EPB41: variants seen among roughly 807,000 people sequenced by gnomAD.
EPB41 encodes protein 4.1.
A neutral mutation model predicts 108.0 loss-of-function variants in EPB41; 65 were observed. That is an observed-to-expected ratio of 0.60 (90% CI 0.49 to 0.74). The LOEUF is 0.74. Among genes scored for constraint, EPB41 ranks in the 30% least tolerant of loss-of-function variants. EPB41 has a pLI of 0.00. For synonymous variants in EPB41, 336 were observed against 358.9 expected (o/e 0.94, Z 0.72); for missense variants, 875 against 1,037.0 (o/e 0.84, Z 2.15).
At chr1:29,106,576 T>TTTTA (rs2151626574) in intron 17 of EPB41, among the ~76,000 whole-genome samples, 1 of 125,544 alleles carries the variant, frequency 8.0e-6, no homozygotes, top group South Asian at 2.8e-4. Context: ...TTTTTTTTTT[T>TTTTA]TTTTTTTTTT....
intron 16 of EPB41, among the ~76,000 whole-genome samples, chr1:29,067,613 G>GC (rs200274621): frequency 0.013 from 1,903 of 148,838 alleles, 43 homozygotes; most frequent in African/African-American, 0.044. Flanking sequence ...ATTGCAGTGA[G>GC]CCGAGATCGC....
rs139993329 is a variant in EPB41, at chr1:28,969,724, T to C, written c.-7-17707T>C. ...ACCATCCTGGCTAACACGGTGAAAC[T>C]CCGTCTCTACTAAAAAAATACAAAA... is the stretch of plus-strand genomic sequence containing the variant. On this transcript the variant is annotated intron_variant, in intron 1 of 20. Transcript: ENST00000343067. Among the ~76,000 whole-genome samples, 568 of 151,570 alleles carry C rather than the reference T, an allele frequency of 3.7e-3. 5 individuals carry two copies. Among genetic ancestry groups the C allele is most frequent in the African/African-American group, 0.013 (526 of 41,308 alleles).
In EPB41 at chr1:29,060,500, AAGCT is replaced by A; in HGVS notation, c.2007+17_2007+20del. 6.2e-7 allele frequency: 1 copy of A among 1,608,308 alleles called. No individual in the cohort carries two copies. The highest frequency in any genetic ancestry group is 8.5e-7 in the Non-Finnish European group (1 of 1,174,836). ...AATGTTGGAGGTTTGTATGAACTTG[AAGCT>A]TATTTCAGTTGGTTGCCTGGAACCT... On this transcript the variant is annotated intron_variant, in intron 15 of 20. Coordinates refer to ENST00000343067, the MANE Select transcript of EPB41 (RefSeq NM_001376013.1).
At chr1:29,057,390 A>AAG (rs1271618319) in intron 12 of EPB41, among the ~76,000 whole-genome samples, 4 of 150,720 alleles carry the variant, frequency 2.7e-5, no homozygotes, top group Non-Finnish European at 4.4e-5. Flanking sequence ...AAAAAAAAAA[A>AAG]AAAAAAGAAA....
chr1:29,081,249 G>A (rs1656484853), intron 16 of EPB41, among the ~76,000 whole-genome samples: 1 of 152,152 alleles, frequency 6.6e-6, no homozygotes, highest in South Asian at 2.1e-4. Flanking sequence ...CACTACAACA[G>A]ATGTAGTTGT....
chr1:29,058,624 C>G lies in EPB41; in HGVS notation c.1881C>G (p.Thr627=), dbSNP rs151204283. The change falls in exon 13 of 21, where the codon ACC becomes ACG. Residue 627 remains threonine (T), a synonymous_variant. Coordinates refer to ENST00000343067, the MANE Select transcript of EPB41 (RefSeq NM_001376013.1). ...EKTHIEVTVP[T]SNGDQTQKLA... ...CCCACATCGAGGTGACAGTACCCAC[C>G]TCAAATGGTGACCAAACACAGGTTT... 1.4e-5 allele frequency: 22 copies of G among 1,613,744 alleles called. No homozygotes were observed. Among genetic ancestry groups the G allele is most frequent in the East Asian group, 8.9e-5 (4 of 44,874 alleles).
rs78279721 is a variant in EPB41, at chr1:28,933,459, T to C, written c.-8+18691T>C. On this transcript the variant is annotated intron_variant, in intron 1 of 20. Transcript: ENST00000343067. ...TCAAAACTGATGTGCAGCACTGTGA[T>C]TGGATTTGGAACTCTCTTCTATTGT... is the stretch of plus-strand genomic sequence containing the variant. Among the ~76,000 whole-genome samples the C allele has an allele frequency of 3.6e-3, 543 of 152,318 alleles. 1 individual carries two copies. Among genetic ancestry groups the C allele is most frequent in the African/African-American group, 9.1e-3 (379 of 41,572 alleles).
intron 7 of EPB41, among the ~76,000 whole-genome samples, chr1:29,028,354 A>G (rs993254515): frequency 6.6e-6 from 1 of 152,202 alleles, no homozygotes; most frequent in African/African-American, 2.4e-5. Context: ...ATTTGTGTGT[A>G]GATGAACCAC....
intron 1 of EPB41, among the ~76,000 whole-genome samples, chr1:28,971,180 CTTTTTTTTTT>C (rs1000130058): frequency 3.0e-5 from 2 of 66,324 alleles, no homozygotes; most frequent in East Asian, 5.2e-4. Context: ...TTCTTTCTTT[CTTTTTTTTTT>C]TTTTTTTTTT....
intron 1 of EPB41, among the ~76,000 whole-genome samples, chr1:28,947,412 A>ACAG (rs2094527058): frequency 3.7e-4 from 2 of 5,372 alleles, no homozygotes; most frequent in Non-Finnish European, 5.7e-4. Flanking sequence ...GTCTCAGACA[A>ACAG]ACAAACAAAC....
chr1:28,976,792 TC>T (rs1314557061), intron 1 of EPB41, among the ~76,000 whole-genome samples: 3 of 152,190 alleles, frequency 2.0e-5, no homozygotes, highest in Admixed American at 6.5e-5. Context: ...TGCGTGGAAT[TC>T]CCTTTGCCCA....
At chr1:29,033,990 A>G (rs1192484786) in intron 9 of EPB41, among the ~76,000 whole-genome samples, 1 of 152,186 alleles carries the variant, frequency 6.6e-6, no homozygotes, top group South Asian at 2.1e-4. Flanking sequence ...TGTAAGTTCT[A>G]TATAGGAAAT....
At chr1:29,086,775 G>A (rs921218858) in intron 16 of EPB41, among the ~76,000 whole-genome samples, 2 of 151,962 alleles carry the variant, frequency 1.3e-5, no homozygotes, top group African/African-American at 2.4e-5. Flanking sequence ...GGTAAAATTG[G>A]TCTTCACTAA....
At chr1:29,061,142 A>G (rs528119893) in intron 15 of EPB41, among the ~76,000 whole-genome samples, 2 of 152,326 alleles carry the variant, frequency 1.3e-5, no homozygotes, top group East Asian at 3.9e-4. Flanking sequence ...GTGAGTTAGG[A>G]TCTGTCCAAC....
intron 1 of EPB41, among the ~76,000 whole-genome samples, chr1:28,935,938 A>G (rs1190735099): frequency 6.6e-6 from 1 of 150,878 alleles, no homozygotes; most frequent in Non-Finnish European, 1.5e-5. Flanking sequence ...AAAAAAAGTT[A>G]CTGTAGTTTA....
intron 1 of EPB41, among the ~76,000 whole-genome samples, chr1:28,953,025 G>A (rs985898200): frequency 5.3e-5 from 8 of 151,980 alleles, no homozygotes; most frequent in Admixed American, 4.6e-4. Context: ...CACTGCGCCC[G>A]GCCCAAATAT....
At chr1:29,066,280 A>G (rs911638988) in intron 16 of EPB41, among the ~76,000 whole-genome samples, 2 of 151,952 alleles carry the variant, frequency 1.3e-5, no homozygotes, top group Non-Finnish European at 1.5e-5. Flanking sequence ...TTAGCCGGGC[A>G]TGGTGGCACA....
rs570878238 is a variant in EPB41, at chr1:28,891,898, G to A, written c.-8+4688G>A. On this transcript the variant is annotated intron_variant, in intron 1 of 16. Coordinates refer to the EPB41 transcript ENST00000347529. ...GAGATCAGGAGTTCGACACAGCCTG[G>A]CTAACACGGTGAAACCCCGTCTCTA... Among the ~76,000 whole-genome samples, 7 of 152,014 alleles carry A rather than the reference G, an allele frequency of 4.6e-5. No individual in the cohort carries two copies. In the South Asian group the frequency reaches 8.3e-4, roughly 18 times the overall value.
chr1:28,899,670 G>A (rs2091073296), intron 1 of EPB41, among the ~76,000 whole-genome samples: 1 of 152,100 alleles, frequency 6.6e-6, no homozygotes, highest in African/African-American at 2.4e-5. Context: ...GAGAAAACCT[G>A]GTTCACAGCC....
Sources: allele counts gnomAD v4.1 joint callset (sites outside exome capture counted in the v4.1 genomes callset), GRCh38; gene constraint gnomAD v4.1.1; transcripts MANE v1.5; gene names NCBI Gene and HGNC (gene_info 2026-07-23, HGNC 2026-07-21).